The following CCDC50 variants were observed in gnomAD, a reference collection of about 807,000 sequenced individuals.
CCDC50 encodes the protein coiled-coil domain-containing protein 50.
CCDC50 carries 54 observed loss-of-function variants against 70.2 expected under a neutral mutation model. The observed-to-expected ratio is 0.77, with a 90% CI of 0.62 to 0.96. The LOEUF (loss-of-function observed/expected upper bound fraction) is 0.96, where lower values mean the gene tolerates loss of function less well. Ranked by LOEUF, CCDC50 falls within the 50% of genes least tolerant of loss-of-function variation. The probability of loss-of-function intolerance (pLI) is 0.00; values close to 1 mark genes in which losing one functional copy is unlikely to be tolerated. For missense variants in CCDC50, 558 were observed against 578.7 expected (o/e 0.96, Z 0.37); for synonymous variants, 216 against 198.8 (o/e 1.09, Z -0.73).
In CCDC50 at chr3:191,349,969, C is replaced by T. The variant is rs1278843049; in HGVS notation, c.50-7119C>T. Among the ~76,000 whole-genome samples, 3 of 112,490 alleles carry T rather than the reference C, an allele frequency of 2.7e-5. 1 individual carries two copies. Among genetic ancestry groups the T allele is most frequent in the Non-Finnish European group, 6.0e-5 (3 of 49,842 alleles). 73.8% of individuals were successfully genotyped at this position (112,490 alleles called of 152,430 possible). A position where few individuals can be genotyped will look rare whatever the true frequency, so the allele number is the denominator to read the frequency against. ...ATTTTAACTAGTATTTAATAATACC[C>T]CCCCCCTCCCTTTTTTTTTCCTGAT... On this transcript the variant is annotated intron_variant, in intron 1 of 11. Transcript: ENST00000392455.
intron 1 of CCDC50, among the ~76,000 whole-genome samples, chr3:191,343,182 A>G (rs1215001537): frequency 1.3e-5 from 2 of 152,196 alleles, no homozygotes; most frequent in Non-Finnish European, 2.9e-5. Flanking sequence ...GGGTGCTGGA[A>G]CCAGTCCCCC....
chr3:191,361,059 T>A lies in CCDC50; in HGVS notation c.240-10T>A. ...TTTTCCTTATTCATGTTTTCACCTT[T>A]GCTTTTTAGTGAACAACAAGACTGT... On this transcript the variant is annotated splice_polypyrimidine_tract_variant and intron_variant, in intron 3 of 11. Transcript: ENST00000392455. 6.2e-7 allele frequency: 1 copy of A among 1,602,106 alleles called. No homozygotes were observed. Among genetic ancestry groups the A allele is most frequent in the Non-Finnish European group, 8.6e-7 (1 of 1,169,134 alleles).
In CCDC50 at chr3:191,384,004, C is replaced by T. The variant is rs190428732; in HGVS notation, c.1322+1179C>T. On this transcript the variant is annotated intron_variant, in intron 10 of 11. Coordinates refer to ENST00000392455, the MANE Select transcript of CCDC50 (RefSeq NM_178335.3). Reference sequence around the variant, plus strand: ...AGGCTTAATTCTGCAGTCTTCAGATCCTTGGCCTCTTTAGAATACTAATAC... The same window carrying T: ...AGGCTTAATTCTGCAGTCTTCAGATTCTTGGCCTCTTTAGAATACTAATAC... Among the ~76,000 whole-genome samples, 30 of 152,162 alleles carry T rather than the reference C, an allele frequency of 2.0e-4. No homozygotes were observed. In the East Asian group the frequency reaches 3.1e-3, roughly 16 times the overall value.
chr3:191,355,876 C>T (rs1176914831), intron 1 of CCDC50, among the ~76,000 whole-genome samples: 1 of 152,164 alleles, frequency 6.6e-6, no homozygotes, highest in East Asian at 1.9e-4. Flanking sequence ...ATCTTGACCT[C>T]CCCAAGATCT....
intron 10 of CCDC50, among the ~76,000 whole-genome samples, chr3:191,387,400 AAGTT>A (rs760630308): frequency 3.9e-5 from 6 of 152,164 alleles, no homozygotes; most frequent in African/African-American, 7.2e-5. Context: ...CTGTACAACA[AAGTT>A]AGTTAATAAG....
At chr3:191,344,841 A>G (rs143187096) in intron 1 of CCDC50, among the ~76,000 whole-genome samples, 13,000 of 152,218 alleles carry the variant, frequency 0.085, 685 homozygotes, top group East Asian at 0.24. Context: ...GGCATCCCAA[A>G]GTGCTGGGAT....
chr3:191,364,139 G>A (rs1357149016), intron 4 of CCDC50, among the ~76,000 whole-genome samples: 1 of 150,676 alleles, frequency 6.6e-6, no homozygotes, highest in Non-Finnish European at 1.5e-5. Context: ...CGCAATCTTC[G>A]CTCACTGCAA....
chr3:191,335,303 A>G (rs897417510), intron 1 of CCDC50, among the ~76,000 whole-genome samples: 1 of 152,170 alleles, frequency 6.6e-6, no homozygotes, highest in African/African-American at 2.4e-5. Context: ...AAACATTCAA[A>G]CAACTATATT....
At chr3:191,343,955 A>G (rs1429288246) in intron 1 of CCDC50, among the ~76,000 whole-genome samples, 1 of 152,234 alleles carries the variant, frequency 6.6e-6, no homozygotes, top group African/African-American at 2.4e-5. Context: ...AATGTAGGAT[A>G]ACTCTTAACC....
chr3:191,368,984 C>G (rs1194256346), intron 4 of CCDC50, among the ~76,000 whole-genome samples: 3 of 152,130 alleles, frequency 2.0e-5, no homozygotes, highest in African/African-American at 7.2e-5. Context: ...CTCCAGACTT[C>G]TTAAGATTGT....
intron 4 of CCDC50, among the ~76,000 whole-genome samples, chr3:191,363,918 T>C (rs1359545538): frequency 2.0e-5 from 3 of 152,186 alleles, no homozygotes; most frequent in Non-Finnish European, 4.4e-5. Context: ...GTAAAGTTTG[T>C]CATTGAGGGA....
chr3:191,366,494 G>T (rs1262540876), intron 4 of CCDC50, among the ~76,000 whole-genome samples: 1 of 151,990 alleles, frequency 6.6e-6, no homozygotes, highest in African/African-American at 2.4e-5. Flanking sequence ...TTACATATTA[G>T]CCCAGAAGTC....
At chr3:191,381,020 A>G (rs1487924840) in intron 9 of CCDC50, 88 bp downstream of exon 9, 7 of 956,810 alleles carry the variant, frequency 7.3e-6, no homozygotes, top group Non-Finnish European at 1.1e-5. Flanking sequence ...CTGCAAATAT[A>G]TTTAGGATAT....
At chr3:191,354,217 C>A (rs1294235222) in intron 1 of CCDC50, among the ~76,000 whole-genome samples, 3 of 152,014 alleles carry the variant, frequency 2.0e-5, no homozygotes, top group Non-Finnish European at 4.4e-5. Flanking sequence ...TAATATTTTG[C>A]CTTATTGTGT....
In CCDC50 at chr3:191,391,721, TTTTTTC is replaced by T; in HGVS notation, c.1430-17_1430-12del. ...AAGGTTTTTCCTTAATTGTGTTTCC[TTTTTTC>T]TTCCCCTCCCCAGGTTTTCATTACA... On this transcript the variant is annotated splice_polypyrimidine_tract_variant and intron_variant, in intron 11 of 11. Coordinates refer to ENST00000392455, the MANE Select transcript of CCDC50 (RefSeq NM_178335.3). The T allele has an allele frequency of 6.2e-7, 1 of 1,611,304 alleles. No individual in the cohort carries two copies. The highest frequency in any genetic ancestry group is 2.2e-5 in the East Asian group (1 of 44,758).
In CCDC50 at chr3:191,380,227, T is replaced by C. The variant is rs1713265285; in HGVS notation, c.1045T>C (p.Trp349Arg). The C allele has an allele frequency of 1.2e-6, 2 of 1,612,488 alleles. No individual in the cohort carries two copies. Among genetic ancestry groups the C allele is most frequent in the Admixed American group, 1.7e-5 (1 of 59,788 alleles). ...ACGAATGGCCCACAGGGATCAGGAATGGTATGATGCTGAAATTGCCAGAAA... is the reference window on the plus strand; with the variant it reads ...ACGAATGGCCCACAGGGATCAGGAACGGTATGATGCTGAAATTGCCAGAAA... ...PSRMAHRDQE[W>R]YDAEIARKLQ... Residue 349 changes from tryptophan to arginine, a missense_variant, in exon 7 of 12, where the codon TGG (tryptophan) becomes CGG (arginine). Physicochemically the swap from Trp to Arg is moderately radical, Grantham distance 101 (BLOSUM62 -3). Transcript: ENST00000392455.
intron 5 of CCDC50, among the ~76,000 whole-genome samples, chr3:191,374,000 T>A (rs551494147): frequency 4.6e-5 from 7 of 152,288 alleles, no homozygotes; most frequent in Non-Finnish European, 7.4e-5. Flanking sequence ...GGTAGCTCTT[T>A]CAAATGCAGT....
rs1560176455 is a variant in CCDC50 at position 191,396,980 on chromosome 3, T to A, written c.*5220T>A. 6.6e-6 allele frequency: 1 copy of A among 152,216 alleles called. No individual in the cohort carries two copies. Among genetic ancestry groups the A allele is most frequent in the Non-Finnish European group, 1.5e-5 (1 of 68,028 alleles). The allele number at this position is 152,216 out of a possible 1,614,324, so 9.4% of individuals were successfully genotyped here. A position where few individuals can be genotyped will look rare whatever the true frequency, so the allele number is the denominator to read the frequency against. ...AAACTAGAAGAAAATGTTTTTTCTC[T>A]TTTTGAGTTAACTTCATAGCATAGA... On this transcript the variant is annotated 3_prime_UTR_variant, in exon 12 of 12. Coordinates refer to ENST00000392455, the MANE Select transcript of CCDC50 (RefSeq NM_178335.3).
intron 1 of CCDC50, among the ~76,000 whole-genome samples, chr3:191,342,969 C>T (rs1450576187): frequency 1.3e-5 from 2 of 152,140 alleles, no homozygotes; most frequent in Non-Finnish European, 2.9e-5. Context: ...CTGCAGTGCT[C>T]AAGTACAGTT....
Sources: gnomAD v4.1 joint callset for allele counts (sites outside exome capture counted in the v4.1 genomes callset) on GRCh38, gnomAD v4.1.1 for gene constraint, MANE v1.5 for transcripts, NCBI Gene and HGNC (gene_info 2026-07-23, HGNC 2026-07-21) for gene names.